The following UBE2H variants were observed in gnomAD, a reference collection of about 807,000 sequenced individuals.
UBE2H encodes the protein ubiquitin-conjugating enzyme E2 H.
A neutral mutation model predicts 29.0 loss-of-function variants in UBE2H; 3 were observed. That is an observed-to-expected ratio of 0.10 (90% CI 0.05 to 0.27). UBE2H has a LOEUF of 0.27. Ranked by LOEUF, UBE2H falls within the 10% of genes least tolerant of loss-of-function variation. The probability of loss-of-function intolerance (pLI) is 1.00; values close to 1 mark genes in which losing one functional copy is unlikely to be tolerated. For synonymous variants in UBE2H, 69 were observed against 82.9 expected, an observed-to-expected ratio of 0.83 and a Z score of 0.91; for missense variants, 68 against 228.2, an observed-to-expected ratio of 0.30 and a Z score of 4.52.
At chr7:129,931,666 T>C (rs1208993367) in intron 1 of UBE2H, among the ~76,000 whole-genome samples, 3 of 152,134 alleles carry the variant, frequency 2.0e-5, no homozygotes, top group African/African-American at 7.2e-5. Context: ...TTGAATGTAA[T>C]TGGAAAAGAG....
intron 1 of UBE2H, among the ~76,000 whole-genome samples, chr7:129,932,205 G>A (rs1478329736): frequency 6.7e-6 from 1 of 149,292 alleles, no homozygotes; most frequent in South Asian, 2.1e-4. Context: ...CTCACTGCAA[G>A]CTCCACCTCC....
intron 1 of UBE2H, among the ~76,000 whole-genome samples, chr7:129,944,172 T>C (rs187856394): frequency 0.021 from 3,117 of 151,152 alleles, 50 homozygotes; most frequent in Non-Finnish European, 0.032. Flanking sequence ...CTCGCTAACA[T>C]GGTGAAACCC....
chr7:129,927,310 G>C (rs747158114), intron 1 of UBE2H, among the ~76,000 whole-genome samples: 2 of 152,182 alleles, frequency 1.3e-5, no homozygotes, highest in African/African-American at 4.8e-5. Flanking sequence ...GAGAGGCAGA[G>C]GGGGGTGGAT....
chr7:129,948,107 G>A (rs1464970), intron 1 of UBE2H, among the ~76,000 whole-genome samples: 9,425 of 151,772 alleles, frequency 0.062, 366 homozygotes, highest in Non-Finnish European at 0.091. Context: ...TGATCTGCCC[G>A]CCTTGGCCTC....
intron 1 of UBE2H, among the ~76,000 whole-genome samples, chr7:129,917,852 G>C (rs1245785907): frequency 6.6e-6 from 1 of 152,204 alleles, no homozygotes; most frequent in Non-Finnish European, 1.5e-5. Context: ...ACAATGCTCA[G>C]TGTTGCCCCT....
intron 1 of UBE2H, among the ~76,000 whole-genome samples, chr7:129,918,555 G>T (rs12539653): frequency 0.062 from 9,464 of 152,068 alleles, 364 homozygotes; most frequent in Non-Finnish European, 0.091. Context: ...TAGAGACAGG[G>T]TTTTGCCATG....
intron 1 of UBE2H, among the ~76,000 whole-genome samples, chr7:129,929,213 G>C (rs1220931411): frequency 6.6e-6 from 1 of 151,896 alleles, no homozygotes; most frequent in Non-Finnish European, 1.5e-5. Flanking sequence ...GCTACTTGGG[G>C]GGCCGAGGCA....
At chr7:129,846,871 C>A (rs2116286614) in intron 5 of UBE2H, among the ~76,000 whole-genome samples, 1 of 152,306 alleles carries the variant, frequency 6.6e-6, no homozygotes, top group Admixed American at 6.5e-5. Context: ...AGAAGCCCAA[C>A]ATCCTGTTAA....
intron 1 of UBE2H, among the ~76,000 whole-genome samples, chr7:129,897,112 G>C (rs1249064822): frequency 6.6e-6 from 1 of 152,008 alleles, no homozygotes; most frequent in African/African-American, 2.4e-5. Flanking sequence ...CGAAGACCCA[G>C]GTCCACAAAC....
intron 1 of UBE2H, chr7:129,948,921 A>G (rs1348069371): frequency 4.8e-6 from 2 of 414,236 alleles, no homozygotes; most frequent in South Asian, 3.4e-5. Context: ...CCCAGCCCCC[A>G]CCTCTTTTGT....
At chr7:129,888,874 A>G (rs1393384122) in intron 1 of UBE2H, among the ~76,000 whole-genome samples, 1 of 152,216 alleles carries the variant, frequency 6.6e-6, no homozygotes, top group East Asian at 1.9e-4. Context: ...GAGTTTGCAT[A>G]AAGTAATACT....
intron 5 of UBE2H, among the ~76,000 whole-genome samples, chr7:129,853,377 C>G (rs1339593035): frequency 6.6e-6 from 1 of 152,112 alleles, no homozygotes; most frequent in African/African-American, 2.4e-5. Flanking sequence ...TTTCTCAGAG[C>G]TTCTGTCACT....
chr7:129,835,426 C>T (rs1204081948), intron 6 of UBE2H, among the ~76,000 whole-genome samples: 2 of 152,142 alleles, frequency 1.3e-5, no homozygotes, highest in East Asian at 3.8e-4. Context: ...GTCATGATTC[C>T]ATAGTAATTT....
At chr7:129,948,299 G>T (rs989965017) in intron 1 of UBE2H, among the ~76,000 whole-genome samples, 2 of 152,150 alleles carry the variant, frequency 1.3e-5, no homozygotes, top group African/African-American at 4.8e-5. Context: ...GGGATTACAG[G>T]TGTGAGCCAC....
rs369901584 is a variant in UBE2H at position 129,871,713 on chromosome 7, CA to C, written c.205+7854del. ...TGCACAACAGAACAAGACTCTGTAT[CA>C]AAAAAAAAAAAAAAAGATATAGATC... On this transcript the variant is annotated intron_variant, in intron 3 of 6. Transcript: ENST00000355621. Among the ~76,000 whole-genome samples the C allele has an allele frequency of 5.9e-3, 737 of 124,300 alleles. 4 individuals carry two copies. Among genetic ancestry groups the C allele is most frequent in the African/African-American group, 0.014 (473 of 33,698 alleles). 81.5% of individuals were successfully genotyped at this position (124,300 alleles called of 152,430 possible).
At chr7:129,952,440 G>A (rs1807897900) in intron 1 of UBE2H, 63 bp downstream of exon 1, 4 of 1,580,568 alleles carry the variant, frequency 2.5e-6, no homozygotes, top group Admixed American at 1.7e-5. Context: ...GGTTCCGGGG[G>A]TGCCCTGGGC....
At position 129,876,582 on chromosome 7, in the gene UBE2H, T is replaced by C. The variant is rs908857872; in HGVS notation, c.205+2986A>G. 5.9e-5 allele frequency among the ~76,000 whole-genome samples: 9 copies of C among 152,358 alleles called. No homozygotes were observed. In the South Asian group the frequency reaches 1.0e-3, roughly 18 times the overall value. On this transcript the variant is annotated intron_variant, in intron 3 of 6. Coordinates refer to ENST00000355621, the MANE Select transcript of UBE2H (RefSeq NM_003344.4). ...CTAGAGGGCCGGTTTTATACCCCAA[T>C]TGATATTACTCGTTTTTCCATTCAT...
chr7:129,888,758 A>G (rs1806415498), intron 1 of UBE2H, among the ~76,000 whole-genome samples: 1 of 152,200 alleles, frequency 6.6e-6, no homozygotes, highest in South Asian at 2.1e-4. Context: ...TATAGGCATG[A>G]GCCACCACGC....
In UBE2H at chr7:129,952,656, G is replaced by A. The variant is rs1182235028; in HGVS notation, c.-101C>T. The A allele has an allele frequency of 1.3e-5, 19 of 1,430,040 alleles. No homozygotes were observed. The highest frequency in any genetic ancestry group is 2.9e-5 in the African/African-American group (2 of 67,892). The allele number at this position is 1,430,040 out of a possible 1,614,324, so 88.6% of individuals were successfully genotyped here. The stretch of plus-strand genomic sequence containing the variant: ...GCCGCGCCGGCTCCTCGGTGGAGGT[G>A]GCAACACCCCCGCGGTCCCGGCGGT... On this transcript the variant is annotated 5_prime_UTR_variant, in exon 1 of 7. Transcript: ENST00000355621.
Sources: gnomAD v4.1 joint callset for allele counts (sites outside exome capture counted in the v4.1 genomes callset) on GRCh38, gnomAD v4.1.1 for gene constraint, MANE v1.5 for transcripts, NCBI Gene and HGNC (gene_info 2026-07-23, HGNC 2026-07-21) for gene names.